Variants in INPP4B observed in about 807,000 individuals in gnomAD.
INPP4B encodes the protein inositol polyphosphate-4-phosphatase type II B, also known as inositol polyphosphate 4-phosphatase type II.
In INPP4B, 55 loss-of-function variants were observed where a neutral mutation model predicts 122.5. That is an observed-to-expected ratio of 0.45 (90% CI 0.36 to 0.56). The LOEUF is 0.56. Ranked by LOEUF, INPP4B falls within the 20% of genes least tolerant of loss-of-function variation. The pLI is 0.00. For missense variants in INPP4B, 1,000 were observed against 1,097.7 expected (o/e 0.91, Z 1.26); for synonymous variants, 403 against 388.7 (o/e 1.04, Z -0.43).
chr4:142,748,786 GA>G (rs1039896261), intron 1 of INPP4B, among the ~76,000 whole-genome samples: 4 of 151,680 alleles, frequency 2.6e-5, no homozygotes, highest in Non-Finnish European at 5.9e-5. Context: ...AGTACAAGGG[GA>G]AAAAACACAA....
chr4:142,532,154 C>A (rs140370802), intron 2 of INPP4B, among the ~76,000 whole-genome samples: 1 of 152,096 alleles, frequency 6.6e-6, no homozygotes, highest in African/African-American at 2.4e-5. Context: ...CATTTCCCTC[C>A]GCTTAAACAC....
chr4:142,451,004 A>G (rs990855686), intron 3 of INPP4B, among the ~76,000 whole-genome samples: 1 of 150,232 alleles, frequency 6.7e-6, no homozygotes, highest in Non-Finnish European at 1.5e-5. Flanking sequence ...ATAACCTATC[A>G]ATGTAGCATT....
intron 2 of INPP4B, among the ~76,000 whole-genome samples, chr4:142,523,953 C>G (rs550805782): frequency 6.8e-6 from 1 of 147,670 alleles, no homozygotes; most frequent in Non-Finnish European, 1.5e-5. Flanking sequence ...TGATGATTTC[C>G]AATTTCATCC....
At position 142,833,935 on chromosome 4, in the gene INPP4B, A is replaced by G. The variant is rs146473130; in HGVS notation, c.-254+12274T>C. On this transcript the variant is annotated intron_variant, in intron 1 of 25. Transcript: ENST00000262992. ...TATAACACCAAATAATTGCTCAAATAATTGCTACCTTTTTATCCAAAATCA... is the reference window on the plus strand; with the variant it reads ...TATAACACCAAATAATTGCTCAAATGATTGCTACCTTTTTATCCAAAATCA... 1.7e-3 allele frequency among the ~76,000 whole-genome samples: 265 copies of G among 152,274 alleles called. 2 individuals are homozygous for G. In the East Asian group the frequency reaches 0.018, roughly 10 times the overall value.
intron 1 of INPP4B, among the ~76,000 whole-genome samples, chr4:142,748,840 A>C (rs1769190984): frequency 6.6e-6 from 1 of 152,016 alleles, no homozygotes; most frequent in Non-Finnish European, 1.5e-5. Flanking sequence ...AGGACTTTCA[A>C]ATATATTAGC....
chr4:142,059,123 C>T lies in INPP4B; in HGVS notation c.2642+22908G>A, dbSNP rs147322091. ...AGAGAACATAACTTGATAAAGTAAT[C>T]GACTTTTAATATTTATTGTCAATAC... On this transcript the variant is annotated intron_variant, in intron 25 of 25. Coordinates refer to ENST00000262992, the MANE Select transcript of INPP4B (RefSeq NM_001101669.3). 1.6e-4 allele frequency among the ~76,000 whole-genome samples: 24 copies of T among 152,184 alleles called. No homozygotes were observed. In the East Asian group the frequency reaches 3.5e-3, roughly 22 times the overall value.
At chr4:142,646,842 A>G (rs1168422091) in intron 2 of INPP4B, among the ~76,000 whole-genome samples, 1 of 152,176 alleles carries the variant, frequency 6.6e-6, no homozygotes, top group Admixed American at 6.5e-5. Context: ...TGCTCTTGAG[A>G]AGTTTGGACC....
At chr4:142,322,565 G>A (rs1271056504) in intron 7 of INPP4B, among the ~76,000 whole-genome samples, 1 of 152,050 alleles carries the variant, frequency 6.6e-6, no homozygotes, top group African/African-American at 2.4e-5. Context: ...TCAACGGATT[G>A]AAAAAATTCT....
chr4:142,689,665 T>G (rs1407622958), intron 2 of INPP4B, among the ~76,000 whole-genome samples: 4 of 152,202 alleles, frequency 2.6e-5, no homozygotes, highest in Admixed American at 1.3e-4. Context: ...AAACTTGTTA[T>G]ATGAAACTTC....
intron 11 of INPP4B, among the ~76,000 whole-genome samples, chr4:142,259,857 G>A (rs1017617162): frequency 1.3e-5 from 2 of 151,760 alleles, no homozygotes; most frequent in East Asian, 1.9e-4. Context: ...AGGCCCACAT[G>A]GGGTCAGGAT....
intron 2 of INPP4B, among the ~76,000 whole-genome samples, chr4:142,706,240 G>T (rs536256777): frequency 9.9e-5 from 15 of 152,176 alleles, no homozygotes; most frequent in Non-Finnish European, 1.8e-4. Context: ...CTGTGAATAC[G>T]CATAGCACCT....
At chr4:142,530,556 T>TATATATAC (rs2149981528) in intron 2 of INPP4B, among the ~76,000 whole-genome samples, 1 of 86,152 alleles carries the variant, frequency 1.2e-5, no homozygotes, top group African/African-American at 5.9e-5. Flanking sequence ...TGTGCATATA[T>TATATATAC]ATATATATAT....
intron 1 of INPP4B, among the ~76,000 whole-genome samples, chr4:142,809,667 A>G (rs971378440): frequency 3.3e-5 from 5 of 152,180 alleles, no homozygotes; most frequent in Non-Finnish European, 7.3e-5. Context: ...TTGTATAAAC[A>G]TCCTAGAATA....
At chr4:142,247,099 T>C (rs1372292558) in intron 11 of INPP4B, among the ~76,000 whole-genome samples, 1 of 152,196 alleles carries the variant, frequency 6.6e-6, no homozygotes, top group Non-Finnish European at 1.5e-5. Context: ...ATTATGTTTA[T>C]TGATTTGTGT....
chr4:142,272,569 G>A (rs750254100), intron 9 of INPP4B, among the ~76,000 whole-genome samples: 2 of 151,990 alleles, frequency 1.3e-5, no homozygotes, highest in Non-Finnish European at 2.9e-5. Flanking sequence ...AAGATGTGTA[G>A]GCAGGTGACA....
chr4:142,082,956 C>T (rs1275387992), intron 24 of INPP4B, among the ~76,000 whole-genome samples: 2 of 152,058 alleles, frequency 1.3e-5, no homozygotes, highest in East Asian at 3.9e-4. Flanking sequence ...ACAAAGCCTC[C>T]TCTCTATTTA....
chr4:142,569,231 C>T (rs1732290477), intron 2 of INPP4B, among the ~76,000 whole-genome samples: 2 of 149,748 alleles, frequency 1.3e-5, no homozygotes, highest in Non-Finnish European at 3.0e-5. Context: ...TATTGGAAAC[C>T]AGTACACAAA....
chr4:142,650,853 G>T (rs1752802409), intron 2 of INPP4B, among the ~76,000 whole-genome samples: 1 of 152,146 alleles, frequency 6.6e-6, no homozygotes, highest in South Asian at 2.1e-4. Flanking sequence ...CTTGAACACA[G>T]CTCTGGATCA....
intron 2 of INPP4B, among the ~76,000 whole-genome samples, chr4:142,623,763 C>T (rs533281212): frequency 1.3e-5 from 2 of 150,502 alleles, no homozygotes; most frequent in African/African-American, 2.4e-5. Flanking sequence ...GTTCCCCTTC[C>T]TGTGTCCATG....
Sources: gnomAD v4.1 joint callset for allele counts (sites outside exome capture counted in the v4.1 genomes callset) on GRCh38, gnomAD v4.1.1 for gene constraint, MANE v1.5 for transcripts, NCBI Gene and HGNC (gene_info 2026-07-23, HGNC 2026-07-21) for gene names.